Variants in SGCZ observed in about 807,000 individuals in gnomAD.
SGCZ encodes the protein sarcoglycan zeta.
Under a neutral mutation model 41.3 loss-of-function variants are expected in SGCZ, and 40 were observed. That is an observed-to-expected ratio of 0.97 (90% CI 0.75 to 1.26). The LOEUF is 1.26. Ranked by LOEUF, SGCZ falls within the 50% of genes most tolerant of loss-of-function variation. SGCZ has a pLI of 0.00. For synonymous variants in SGCZ, 206 were observed against 137.5 expected (o/e 1.50, Z -3.49); for missense variants, 552 against 369.8 (o/e 1.49, Z -4.04).
At chr8:14,869,313 C>T (rs1018216318) in intron 1 of SGCZ, among the ~76,000 whole-genome samples, 1 of 152,126 alleles carries the variant, frequency 6.6e-6, no homozygotes, top group Non-Finnish European at 1.5e-5. Context: ...TAATCCATCA[C>T]ATATACAGAA....
intron 1 of SGCZ, among the ~76,000 whole-genome samples, chr8:15,232,654 TATATAC>T (rs1331749862): frequency 2.2e-5 from 3 of 139,290 alleles, no homozygotes; most frequent in East Asian, 4.0e-4. Context: ...TGTGTGTATA[TATATAC>T]ATATATATGT....
chr8:14,745,814 G>C (rs1799325089), intron 1 of SGCZ, among the ~76,000 whole-genome samples: 1 of 151,994 alleles, frequency 6.6e-6, no homozygotes, highest in Admixed American at 6.6e-5. Context: ...ATACAACCAA[G>C]TAGGGAATTT....
intron 1 of SGCZ, among the ~76,000 whole-genome samples, chr8:14,661,046 C>T (rs1358671598): frequency 2.0e-5 from 3 of 152,094 alleles, no homozygotes. Context: ...CCCAGAATCC[C>T]TCTGCCCAAA....
In SGCZ at chr8:15,238,407, C is replaced by T. The variant is rs565129511; in HGVS notation, c.-784G>A. On this transcript the variant is annotated 5_prime_UTR_variant, in exon 1 of 8. Transcript: ENST00000382080. ...CTTCACCACCAGGTGACTGACTTCG[C>T]TTCTCTCTTCCCACAGCCAACACTA... The T allele has an allele frequency of 2.6e-4, 39 of 152,360 alleles. No individual in the cohort carries two copies. Among genetic ancestry groups the T allele is most frequent in the African/African-American group, 9.4e-4 (39 of 41,576 alleles). 9.4% of individuals were successfully genotyped at this position (152,360 alleles called of 1,614,324 possible). A position where few individuals can be genotyped will look rare whatever the true frequency, so the allele number is the denominator to read the frequency against.
chr8:14,122,192 G>A (rs551980644), intron 5 of SGCZ, among the ~76,000 whole-genome samples: 5 of 152,332 alleles, frequency 3.3e-5, no homozygotes, highest in African/African-American at 1.2e-4. Context: ...CAGGAGAATG[G>A]CGTGAACCCG....
At chr8:14,866,906 G>T (rs1803952604) in intron 1 of SGCZ, among the ~76,000 whole-genome samples, 1 of 152,140 alleles carries the variant, frequency 6.6e-6, no homozygotes, top group African/African-American at 2.4e-5. Context: ...GCCTCAGAAT[G>T]TTGCCTTAAA....
rs140388450 is a variant in SGCZ, at chr8:14,527,886, A to T, written c.234+26846T>A. On this transcript the variant is annotated intron_variant, in intron 2 of 7. Transcript: ENST00000382080. ...TTTCTTTATGAGTATTCTATAAATTAGTAAAATAGTCCAAAAAAAGTGGGA... is the reference window on the plus strand; with the variant it reads ...TTTCTTTATGAGTATTCTATAAATTTGTAAAATAGTCCAAAAAAAGTGGGA... 2.6e-5 allele frequency among the ~76,000 whole-genome samples: 4 copies of T among 152,210 alleles called. No homozygotes were observed. In the South Asian group the frequency reaches 8.3e-4, roughly 32 times the overall value.
intron 1 of SGCZ, among the ~76,000 whole-genome samples, chr8:14,823,151 C>A (rs192473732): frequency 6.7e-6 from 1 of 148,578 alleles, no homozygotes; most frequent in Non-Finnish European, 1.5e-5. Context: ...AGTGGAAATG[C>A]TTCATGACAT....
At chr8:14,221,529 A>G (rs1806193374) in intron 4 of SGCZ, among the ~76,000 whole-genome samples, 1 of 152,238 alleles carries the variant, frequency 6.6e-6, no homozygotes. Flanking sequence ...AGTAACTTAC[A>G]TATTGCAGTT....
In SGCZ at chr8:15,042,110, T is replaced by A. The variant is rs550304749; in HGVS notation, c.39+195475A>T. On this transcript the variant is annotated intron_variant, in intron 1 of 7. Transcript: ENST00000382080. ...GTCATTTGTATTCATAGTAAGATGA[T>A]AAAGACACTGTCTTTACCAGCACAT... is the stretch of plus-strand genomic sequence containing the variant. Among the ~76,000 whole-genome samples the A allele has an allele frequency of 1.3e-4, 20 of 152,294 alleles. No homozygotes were observed. In the South Asian group the frequency reaches 4.1e-3, roughly 32 times the overall value.
chr8:14,492,456 T>C (rs541568728), intron 2 of SGCZ, among the ~76,000 whole-genome samples: 1 of 152,356 alleles, frequency 6.6e-6, no homozygotes, highest in East Asian at 1.9e-4. Context: ...ATTGGTGAAC[T>C]GCTTCCATTT....
At chr8:14,454,863 T>G (rs202101981) in intron 2 of SGCZ, among the ~76,000 whole-genome samples, 1 of 152,146 alleles carries the variant, frequency 6.6e-6, no homozygotes, top group Non-Finnish European at 1.5e-5. Flanking sequence ...TCTAACATCA[T>G]ACACGACAAT....
Position 14,223,018 on chromosome 8 carries a change from G to A in SGCZ, c.424+14574C>T, listed in dbSNP as rs1806255738. On this transcript the variant is annotated intron_variant, in intron 4 of 7. Coordinates refer to ENST00000382080, the MANE Select transcript of SGCZ (RefSeq NM_139167.4). Reference sequence around the variant, plus strand: ...GTAGAGACAGGGTTTCACCATGTAGGCCAGGATGGTCTCGAACTTCTGATC... The same window carrying A: ...GTAGAGACAGGGTTTCACCATGTAGACCAGGATGGTCTCGAACTTCTGATC... Among the ~76,000 whole-genome samples the A allele has an allele frequency of 4.0e-5, 6 of 151,730 alleles. No individual in the cohort carries two copies. In the South Asian group the frequency reaches 1.2e-3, roughly 32 times the overall value.
At chr8:14,090,708 C>T in intron 7 of SGCZ, 71 bp from the exon 8 acceptor site, 2 of 1,321,728 alleles carry the variant, frequency 1.5e-6, no homozygotes, top group Admixed American at 4.4e-5. Flanking sequence ...CATCCCTCCT[C>T]AACATGGTCT....
chr8:14,176,131 A>G (rs1487007953), intron 4 of SGCZ, among the ~76,000 whole-genome samples: 3 of 152,202 alleles, frequency 2.0e-5, no homozygotes, highest in African/African-American at 7.2e-5. Context: ...TCAGTAGTAC[A>G]AACAAAAAAG....
In SGCZ at chr8:14,554,914, G is replaced by C; in HGVS notation, c.52C>G (p.Gln18Glu). 6.4e-7 allele frequency: 1 copy of C among 1,564,852 alleles called. No homozygotes were observed. Residue 18 changes from glutamine to glutamate, a missense_variant, in exon 2 of 8, where the codon CAA (glutamine) becomes GAA (glutamate). Coordinates refer to ENST00000382080, the MANE Select transcript of SGCZ (RefSeq NM_139167.4). ...DIEELKMTREQYILATQQNNL... is the reference protein window; with the variant it reads ...DIEELKMTREEYILATQQNNL... ...TTCTGTTGGGTTGCTAGTATGTATT[G>C]TTCTCGTGTCATCTGAAAAAGAAAA...
Position 14,242,214 on chromosome 8 carries a change from G to C in SGCZ, c.337-4535C>G, listed in dbSNP as rs186291214. Among the ~76,000 whole-genome samples the C allele has an allele frequency of 2.2e-3, 335 of 152,310 alleles. 9 individuals are homozygous for C. Among genetic ancestry groups the C allele is most frequent in the Admixed American group, 0.02 (301 of 15,298 alleles). On this transcript the variant is annotated intron_variant, in intron 3 of 7. Coordinates refer to ENST00000382080, the MANE Select transcript of SGCZ (RefSeq NM_139167.4). ...TGTTTCAGGTAAGGATTTAGCTTCA[G>C]ATGCTCATTCTCTCCAGTTTAACTA...
intron 1 of SGCZ, among the ~76,000 whole-genome samples, chr8:15,180,936 A>G (rs907592078): frequency 1.3e-5 from 2 of 152,184 alleles, no homozygotes; most frequent in African/African-American, 4.8e-5. Flanking sequence ...CATAAACTGT[A>G]TTTCATGGCA....
chr8:14,509,398 T>A (rs1017746221), intron 2 of SGCZ, among the ~76,000 whole-genome samples: 4 of 152,146 alleles, frequency 2.6e-5, no homozygotes, highest in Non-Finnish European at 4.4e-5. Flanking sequence ...GAAAATGATA[T>A]AAATAATTTT....
Sources: allele counts gnomAD v4.1 joint callset (sites outside exome capture counted in the v4.1 genomes callset), GRCh38; gene constraint gnomAD v4.1.1; transcripts MANE v1.5; gene names NCBI Gene and HGNC (gene_info 2026-07-23, HGNC 2026-07-21).